Variants in SLC8A1 observed in about 807,000 individuals in gnomAD.
SLC8A1 encodes solute carrier family 8 member A1, also known as sodium/calcium exchanger 1.
SLC8A1 carries 18 observed loss-of-function variants against 68.3 expected under a neutral mutation model. The observed-to-expected ratio is 0.26, with a 90% CI of 0.18 to 0.39. The LOEUF (loss-of-function observed/expected upper bound fraction) is 0.39. SLC8A1 is among the 10% of genes least tolerant of loss of function. The probability of loss-of-function intolerance (pLI) is 1.00; values close to 1 mark genes in which losing one functional copy is unlikely to be tolerated. For synonymous variants in SLC8A1, 475 were observed against 415.5 expected, an observed-to-expected ratio of 1.14 and a Z score of -1.74; for missense variants, 985 against 1,156.7, an observed-to-expected ratio of 0.85 and a Z score of 2.15.
upstream of SLC8A1, among the ~76,000 whole-genome samples, chr2:40,453,734 T>G (rs938494357): frequency 3.3e-5 from 5 of 152,180 alleles, no homozygotes; most frequent in African/African-American, 1.2e-4. Context: ...AACATGAATG[T>G]GAGTATGAAT....
chr2:40,258,909 G>T (rs989765740), intron 2 of SLC8A1, among the ~76,000 whole-genome samples: 1 of 150,106 alleles, frequency 6.7e-6, no homozygotes, highest in Admixed American at 6.7e-5. Context: ...CCCAATGGTT[G>T]TAATTGAACC....
intron 2 of SLC8A1, among the ~76,000 whole-genome samples, chr2:40,200,676 T>G (rs941245406): frequency 3.3e-5 from 5 of 151,782 alleles, no homozygotes; most frequent in Non-Finnish European, 7.4e-5. Context: ...CAGGGGATTC[T>G]AATAGTAAAA....
chr2:40,311,723 T>C (rs910642379), intron 2 of SLC8A1, among the ~76,000 whole-genome samples: 13 of 152,070 alleles, frequency 8.5e-5, no homozygotes, highest in African/African-American at 3.1e-4. Flanking sequence ...TATCTTCTAT[T>C]TTTTTTTCTG....
chr2:40,230,748 C>T (rs367596269), intron 2 of SLC8A1, among the ~76,000 whole-genome samples: 2 of 152,142 alleles, frequency 1.3e-5, no homozygotes, highest in African/African-American at 2.4e-5. Context: ...TTACTTACAG[C>T]TTACAAGAAC....
At chr2:40,198,420 GCTCT>G (rs1481428950) in intron 2 of SLC8A1, among the ~76,000 whole-genome samples, 1 of 151,842 alleles carries the variant, frequency 6.6e-6, no homozygotes. Flanking sequence ...TATTTAGTGT[GCTCT>G]CTGAGATGCC....
intron 2 of SLC8A1, among the ~76,000 whole-genome samples, chr2:40,273,918 G>C (rs1197935171): frequency 7.3e-6 from 1 of 136,944 alleles, no homozygotes; most frequent in African/African-American, 2.8e-5. Context: ...CCTCTCTCTT[G>C]ACCAGGGAGA....
chr2:40,423,796 C>T (rs1696144335), intron 2 of SLC8A1, among the ~76,000 whole-genome samples: 1 of 151,910 alleles, frequency 6.6e-6, no homozygotes, highest in African/African-American at 2.4e-5. Flanking sequence ...TGTTTTTTGG[C>T]TCTTATCCTA....
chr2:40,230,591 T>C (rs1042059074), intron 2 of SLC8A1, among the ~76,000 whole-genome samples: 1 of 152,162 alleles, frequency 6.6e-6, no homozygotes, highest in Non-Finnish European at 1.5e-5. Context: ...TTAGAAATGG[T>C]TCAAAGAATA....
At chr2:40,309,564 T>C (rs1441054225) in intron 2 of SLC8A1, among the ~76,000 whole-genome samples, 2 of 146,462 alleles carry the variant, frequency 1.4e-5, no homozygotes, top group African/African-American at 2.5e-5. Context: ...TGGAGTGCAA[T>C]GGTGCAATCT....
intron 2 of SLC8A1, among the ~76,000 whole-genome samples, chr2:40,292,577 T>C (rs1456234876): frequency 1.3e-5 from 2 of 152,176 alleles, no homozygotes; most frequent in African/African-American, 4.8e-5. Flanking sequence ...TTTCAGAATA[T>C]AATACAGTGT....
intron 1 of SLC8A1, among the ~76,000 whole-genome samples, chr2:40,471,740 A>C (rs759253867): frequency 6.6e-6 from 1 of 152,224 alleles, no homozygotes; most frequent in Admixed American, 6.5e-5. Context: ...AATTGCAATA[A>C]ATGGAAACAA....
chr2:40,293,292 C>T (rs1303544190), intron 2 of SLC8A1, among the ~76,000 whole-genome samples: 1 of 152,084 alleles, frequency 6.6e-6, no homozygotes, highest in Non-Finnish European at 1.5e-5. Flanking sequence ...TGGATGCTAA[C>T]ATGAAGTAGG....
At chr2:40,097,618 C>T (rs1270572405) in exon 8 of SLC8A1, 1 of 151,966 alleles carries the variant, frequency 6.6e-6, no homozygotes, top group Non-Finnish European at 1.5e-5. Flanking sequence ...TTGCAACAAG[C>T]TTCCAGTTTT....
intron 1 of SLC8A1, among the ~76,000 whole-genome samples, chr2:40,485,422 A>C (rs1047555687): frequency 1.3e-5 from 2 of 152,200 alleles, no homozygotes; most frequent in Admixed American, 6.5e-5. Context: ...GGAAATAATC[A>C]TAAAAGCAAC....
chr2:40,319,374 A>G (rs939083867), intron 2 of SLC8A1, among the ~76,000 whole-genome samples: 1 of 152,042 alleles, frequency 6.6e-6, no homozygotes, highest in African/African-American at 2.4e-5. Flanking sequence ...GCCTCACTTA[A>G]TATCATCAGG....
chr2:40,351,251 T>G (rs1242034928), intron 2 of SLC8A1, among the ~76,000 whole-genome samples: 2 of 152,150 alleles, frequency 1.3e-5, no homozygotes, highest in Non-Finnish European at 2.9e-5. Context: ...AAACTCTCAC[T>G]GAATAAATGA....
At chr2:40,277,799 T>A (rs965600930) in intron 2 of SLC8A1, among the ~76,000 whole-genome samples, 15 of 37,182 alleles carry the variant, frequency 4.0e-4, no homozygotes, top group Admixed American at 2.7e-3. Flanking sequence ...TGTGTGTATA[T>A]ATATATATAT....
At chr2:40,289,561 GAGGAAAC>G (rs2068916190) in intron 2 of SLC8A1, among the ~76,000 whole-genome samples, 1 of 151,994 alleles carries the variant, frequency 6.6e-6, no homozygotes, top group Admixed American at 6.6e-5. Context: ...ATTAAAAAAA[GAGGAAAC>G]AGCCCAGTGC....
chr2:40,307,146 T>TAC (rs144335092), intron 2 of SLC8A1, among the ~76,000 whole-genome samples: 17,632 of 148,182 alleles, frequency 0.12, 1,319 homozygotes, highest in East Asian at 0.22. Context: ...AAATGTGATA[T>TAC]ACACACACAC....
Sources: allele counts gnomAD v4.1 joint callset (sites outside exome capture counted in the v4.1 genomes callset), GRCh38; gene constraint gnomAD v4.1.1; transcripts MANE v1.5; gene names NCBI Gene and HGNC (gene_info 2026-07-23, HGNC 2026-07-21).